The following MIDEAS variants were observed in gnomAD, a reference collection of about 807,000 sequenced individuals.
MIDEAS encodes the protein mitotic deacetylase associated SANT domain protein.
MIDEAS carries 26 observed loss-of-function variants against 102.7 expected under a neutral mutation model. That is an observed-to-expected ratio of 0.25 (90% CI 0.19 to 0.35). The LOEUF (loss-of-function observed/expected upper bound fraction) is 0.35. MIDEAS is among the 10% of genes least tolerant of loss of function. MIDEAS has a pLI of 1.00. For synonymous variants in MIDEAS, 585 were observed against 591.0 expected (o/e 0.99, Z 0.15); for missense variants, 1,231 against 1,435.6 (o/e 0.86, Z 2.30).
upstream of MIDEAS, among the ~76,000 whole-genome samples, chr14:73,763,838 C>G (rs377093569): frequency 8.5e-5 from 13 of 152,300 alleles, no homozygotes; most frequent in East Asian, 1.9e-3. Flanking sequence ...CTGAACCTCA[C>G]TTTTTAGGCC....
chr14:73,748,633 G>A (rs931151499), intron 1 of MIDEAS, among the ~76,000 whole-genome samples: 3 of 152,008 alleles, frequency 2.0e-5, no homozygotes, highest in Non-Finnish European at 2.9e-5. Flanking sequence ...AAAATATGTG[G>A]TGGCAGGCAC....
upstream of MIDEAS, among the ~76,000 whole-genome samples, chr14:73,760,615 C>T (rs781318116): frequency 5.3e-5 from 8 of 152,212 alleles, no homozygotes; most frequent in Non-Finnish European, 8.8e-5. This position sits in a 1 kb window ranked among gnomAD's most constrained non-coding sequence, Gnocchi z 4.8. Flanking sequence ...AGGCACAAGT[C>T]GCTTTCTTCC....
Position 73,738,838 on chromosome 14 carries a change from CCAGGGAGCCAGGTGGCGGCTGCTG to C in MIDEAS, c.1147_1170del (p.Gln383_Leu390del), listed in dbSNP as rs1273243616. 1 of 1,572,010 alleles carries C rather than the reference CCAGGGAGCCAGGTGGCGGCTGCTG, an allele frequency of 6.4e-7. No homozygotes were observed. The highest frequency in any genetic ancestry group is 1.9e-5 in the Admixed American group (1 of 53,960). On this transcript the variant is annotated inframe_deletion, in exon 2 of 13. Coordinates refer to ENST00000423556, the MANE Select transcript of MIDEAS (RefSeq NM_001367710.1). ...CCCAGAGCTTCAGGATGGGGCTGCC[CCAGGGAGCCAGGTGGCGGCTGCTG>C]CAGGGGCCAGTGATGTAGGAACAGG... is the stretch of plus-strand genomic sequence containing the variant.
At chr14:73,750,627 G>A (rs1324585305) in intron 1 of MIDEAS, among the ~76,000 whole-genome samples, 2 of 152,224 alleles carry the variant, frequency 1.3e-5, no homozygotes, top group Non-Finnish European at 2.9e-5. Context: ...AAGGTGGCTT[G>A]GGCCTCTCTT....
intron 1 of MIDEAS, among the ~76,000 whole-genome samples, chr14:73,769,906 TTTTTTTTG>T (rs1439528124): frequency 1.5e-5 from 2 of 136,224 alleles, no homozygotes; most frequent in African/African-American, 5.6e-5. Context: ...GGCTGGGTTT[TTTTTTTTG>T]TTTTTTTTTT....
intron 3 of MIDEAS, among the ~76,000 whole-genome samples, chr14:73,733,446 T>C (rs2053163580): frequency 6.6e-6 from 1 of 150,570 alleles, no homozygotes; most frequent in Non-Finnish European, 1.5e-5. Context: ...AAAAATTAGC[T>C]GGCGTGGTGG....
intron 1 of MIDEAS, among the ~76,000 whole-genome samples, chr14:73,741,914 C>G (rs2053286041): frequency 6.6e-6 from 1 of 152,152 alleles, no homozygotes; most frequent in Admixed American, 6.5e-5. Flanking sequence ...CCAAGTCACC[C>G]TCACCCCCAG....
At chr14:73,719,972 C>T (rs1467053393) in intron 11 of MIDEAS, among the ~76,000 whole-genome samples, 2 of 151,860 alleles carry the variant, frequency 1.3e-5, no homozygotes, top group African/African-American at 4.8e-5. Context: ...TTCAGGACAG[C>T]GCACTGCAGG....
At chr14:73,735,840 GT>G (rs2053193191) in intron 3 of MIDEAS, among the ~76,000 whole-genome samples, 1 of 152,230 alleles carries the variant, frequency 6.6e-6, no homozygotes, top group Admixed American at 6.5e-5. Context: ...AATCACACTT[GT>G]ATCTCATAAC....
intron 2 of MIDEAS, 31 bp downstream of exon 2, chr14:73,738,529 C>G (rs779816493): frequency 1.5e-5 from 23 of 1,495,652 alleles, no homozygotes; most frequent in Non-Finnish European, 1.8e-5. Context: ...TGCCCTCTGC[C>G]AGGTGTGGCT....
chr14:73,748,347 C>T (rs1019598193), intron 1 of MIDEAS, among the ~76,000 whole-genome samples: 4 of 152,116 alleles, frequency 2.6e-5, no homozygotes, highest in African/African-American at 9.7e-5. Context: ...AAGAAACACC[C>T]TTTACATTCA....
At chr14:73,722,570 T>A in intron 10 of MIDEAS, 128 bp downstream of exon 10, 1 of 1,143,884 alleles carries the variant, frequency 8.7e-7, no homozygotes, top group Non-Finnish European at 1.2e-6. Context: ...CTTGCGGCTG[T>A]CAGGGACACT....
chr14:73,740,156 C>T lies in MIDEAS; in HGVS notation c.-148G>A. 1 of 970,348 alleles carries T rather than the reference C, an allele frequency of 1.0e-6. No homozygotes were observed. Among genetic ancestry groups the T allele is most frequent in the Non-Finnish European group, 1.4e-6 (1 of 731,384 alleles). The allele number at this position is 970,348 out of a possible 1,614,324, so 60.1% of individuals were successfully genotyped here. Reference sequence around the variant, plus strand: ...GAAGACGCTGGACAGTGAGGTCGGACACTGGGAGAAAGAACTGCTGGCTCT... The same window carrying T: ...GAAGACGCTGGACAGTGAGGTCGGATACTGGGAGAAAGAACTGCTGGCTCT... On this transcript the variant is annotated 5_prime_UTR_variant, in exon 2 of 13. Coordinates refer to ENST00000423556, the MANE Select transcript of MIDEAS (RefSeq NM_001367710.1).
intron 3 of MIDEAS, among the ~76,000 whole-genome samples, chr14:73,731,690 AC>A (rs1262594475): frequency 2.0e-5 from 3 of 152,234 alleles, no homozygotes; most frequent in Non-Finnish European, 2.9e-5. Context: ...TCAGATACAA[AC>A]TGAAGTATAC....
In MIDEAS at chr14:73,740,088, G is replaced by C; in HGVS notation, c.-80C>G. On this transcript the variant is annotated 5_prime_UTR_variant, in exon 2 of 13. Transcript: ENST00000423556. ...CTGGGGAAACGTCCTGCTGGAAGCCGGGCTCTAGTCCAGGAGCCAGGGAGG... is the reference window on the plus strand; with the variant it reads ...CTGGGGAAACGTCCTGCTGGAAGCCCGGCTCTAGTCCAGGAGCCAGGGAGG... The C allele has an allele frequency of 7.1e-7, 1 of 1,409,860 alleles. No homozygotes were observed. Among genetic ancestry groups the C allele is most frequent in the South Asian group, 1.8e-5 (1 of 54,324 alleles). 87.3% of individuals were successfully genotyped at this position (1,409,860 alleles called of 1,614,324 possible).
At chr14:73,753,285 ACC>A (rs1220772473) in intron 1 of MIDEAS, among the ~76,000 whole-genome samples, 22 of 152,230 alleles carry the variant, frequency 1.4e-4, no homozygotes, top group African/African-American at 5.1e-4. Context: ...TATCTCCCCT[ACC>A]AGCCAGTCTA....
At chr14:73,719,241 AC>A in intron 12 of MIDEAS, 63 bp downstream of exon 12, 1 of 350,420 alleles carries the variant, frequency 2.9e-6, no homozygotes, top group East Asian at 8.5e-5. Flanking sequence ...CCTCCACCCC[AC>A]CCCCGCCCCC....
In MIDEAS at chr14:73,725,305, G is replaced by A. The variant is rs1049505354; in HGVS notation, c.2541C>T (p.Ile847=). The change falls in exon 9 of 13, where the codon ATC becomes ATT. Residue 847 remains isoleucine (I), a synonymous_variant. Transcript: ENST00000423556. This position sits in a 1 kb window ranked among gnomAD's most constrained non-coding sequence, Gnocchi z 4.1. ...GCACCAGGAAGAAATCCTTCTTGTA[G>A]ATGGCAATGCCTTTGTTGAACAGCT... ...ERKLFNKGIA[I]YKKDFFLVQK... 6.2e-7 allele frequency: 1 copy of A among 1,614,164 alleles called. No individual in the cohort carries two copies.
At chr14:73,734,062 G>A (rs2053172103) in intron 3 of MIDEAS, among the ~76,000 whole-genome samples, 1 of 150,462 alleles carries the variant, frequency 6.6e-6, no homozygotes, top group South Asian at 2.1e-4. Flanking sequence ...TTGGCTCACT[G>A]CAACCTCTGC....
Sources: allele counts gnomAD v4.1 joint callset (sites outside exome capture counted in the v4.1 genomes callset), GRCh38; gene constraint gnomAD v4.1.1; non-coding constraint Gnocchi (gnomAD v3.1); transcripts MANE v1.5; gene names NCBI Gene and HGNC (gene_info 2026-07-23, HGNC 2026-07-21).